Variants in NRP1 observed in about 807,000 individuals in gnomAD.
NRP1 encodes the protein neuropilin 1.
A neutral mutation model predicts 106.7 loss-of-function variants in NRP1; 35 were observed. The observed-to-expected ratio is 0.33, with a 90% CI of 0.25 to 0.43. The LOEUF (loss-of-function observed/expected upper bound fraction) is 0.43. Ranked by LOEUF, NRP1 falls within the 20% of genes least tolerant of loss-of-function variation. The pLI is 1.00. For synonymous variants in NRP1, 437 were observed against 417.9 expected (o/e 1.05, Z -0.56); for missense variants, 1,024 against 1,170.4 (o/e 0.87, Z 1.83).
At chr10:33,237,576 C>CTTTTTTT (rs36019831) in intron 6 of NRP1, among the ~76,000 whole-genome samples, 1 of 99,880 alleles carries the variant, frequency 1.0e-5, no homozygotes, top group Non-Finnish European at 1.9e-5. Flanking sequence ...TTTCCTTCTT[C>CTTTTTTT]TTTTTTTTTT....
chr10:33,308,275 C>T (rs1438233350), intron 2 of NRP1, among the ~76,000 whole-genome samples: 4 of 151,556 alleles, frequency 2.6e-5, no homozygotes, highest in Admixed American at 6.6e-5. Flanking sequence ...GCTTATTACC[C>T]GAGTGACAAA....
chr10:33,283,907 T>G (rs1564454049), intron 2 of NRP1, among the ~76,000 whole-genome samples: 1 of 152,182 alleles, frequency 6.6e-6, no homozygotes, highest in Non-Finnish European at 1.5e-5. Context: ...TGAACACATT[T>G]CAAACTAAAC....
At chr10:33,243,933 TTGTGTGTGTGTGTG>T (rs112554908) in intron 6 of NRP1, among the ~76,000 whole-genome samples, 22 of 141,440 alleles carry the variant, frequency 1.6e-4, no homozygotes, top group African/African-American at 4.4e-4. Context: ...GGGTAGAGGT[TTGTGTGTGTGTGTG>T]TGTGTGTGTG....
At chr10:33,200,549 T>C (rs945959063) in intron 11 of NRP1, among the ~76,000 whole-genome samples, 1 of 152,200 alleles carries the variant, frequency 6.6e-6, no homozygotes, top group Non-Finnish European at 1.5e-5. Flanking sequence ...AGACAACCCC[T>C]AAAGACAGCA....
At chr10:33,292,459 C>T (rs1169240931) in intron 2 of NRP1, among the ~76,000 whole-genome samples, 1 of 152,022 alleles carries the variant, frequency 6.6e-6, no homozygotes, top group Admixed American at 6.5e-5. Flanking sequence ...AATATATATG[C>T]ATTTTGAAGT....
intron 2 of NRP1, among the ~76,000 whole-genome samples, chr10:33,279,900 A>C (rs1229088355): frequency 1.3e-5 from 2 of 152,220 alleles, no homozygotes; most frequent in African/African-American, 2.4e-5. Flanking sequence ...CTCTCATCAT[A>C]GTGACTGTCG....
chr10:33,235,870 G>A (rs1840514188), intron 6 of NRP1, among the ~76,000 whole-genome samples: 1 of 152,094 alleles, frequency 6.6e-6, no homozygotes, highest in Non-Finnish European at 1.5e-5. Flanking sequence ...TAAGACATAC[G>A]CCGACCTGTG....
At chr10:33,323,795 C>T (rs565297884) in intron 2 of NRP1, among the ~76,000 whole-genome samples, 67 of 152,244 alleles carry the variant, frequency 4.4e-4, no homozygotes, top group African/African-American at 1.4e-3. Context: ...TTTTTAGCTT[C>T]CTTTACACAC....
At chr10:33,272,385 C>T (rs150662221) in intron 2 of NRP1, among the ~76,000 whole-genome samples, 15 of 152,278 alleles carry the variant, frequency 9.9e-5, no homozygotes, top group African/African-American at 3.6e-4. Context: ...ACTTGGCCTG[C>T]TAACACCACC....
intron 2 of NRP1, among the ~76,000 whole-genome samples, chr10:33,281,773 C>T (rs944699538): frequency 3.9e-5 from 6 of 152,060 alleles, no homozygotes; most frequent in Non-Finnish European, 5.9e-5. Flanking sequence ...TGTCATGACG[C>T]TTGTAGGTGT....
intron 2 of NRP1, among the ~76,000 whole-genome samples, chr10:33,284,589 G>T (rs1375820627): frequency 1.3e-5 from 2 of 151,334 alleles, no homozygotes; most frequent in Non-Finnish European, 2.9e-5. Flanking sequence ...TTCCCTTTAC[G>T]GCAAATTCCC....
intron 15 of NRP1, 30 bp from the exon 16 acceptor site, chr10:33,182,778 ATTTGAAC>A: frequency 6.5e-7 from 1 of 1,550,210 alleles, no homozygotes; most frequent in Non-Finnish European, 8.9e-7. Context: ...TGAAAGAGAT[ATTTGAAC>A]TGCCATCAAA....
chr10:33,272,573 A>C (rs952851118), intron 2 of NRP1, among the ~76,000 whole-genome samples: 2 of 152,178 alleles, frequency 1.3e-5, no homozygotes, highest in Admixed American at 6.5e-5. Flanking sequence ...CATTATGTTT[A>C]AAATCCTAAC....
intron 2 of NRP1, among the ~76,000 whole-genome samples, chr10:33,292,715 C>T (rs1048017626): frequency 3.9e-5 from 6 of 152,150 alleles, no homozygotes; most frequent in Non-Finnish European, 7.3e-5. Flanking sequence ...CTGCCAACGA[C>T]GGTGGCTCAT....
At chr10:33,326,952 T>C (rs12360413) in intron 2 of NRP1, among the ~76,000 whole-genome samples, 5,173 of 152,168 alleles carry the variant, frequency 0.034, 148 homozygotes, top group Admixed American at 0.063. Flanking sequence ...ACAATAAAAA[T>C]CTAAATAAAA....
intron 10 of NRP1, chr10:33,206,101 C>T (rs764589995): frequency 1.3e-5 from 6 of 450,040 alleles, no homozygotes; most frequent in Non-Finnish European, 2.2e-5. Flanking sequence ...TTTTTGCAAG[C>T]GTGCTTTCAA....
intron 6 of NRP1, among the ~76,000 whole-genome samples, chr10:33,237,285 T>C (rs1038725103): frequency 6.6e-6 from 1 of 152,118 alleles, no homozygotes; most frequent in Non-Finnish European, 1.5e-5. Context: ...GTAAAAAGTG[T>C]CAGCCTAGTG....
chr10:33,241,033 T>C (rs1840973203), intron 6 of NRP1, among the ~76,000 whole-genome samples: 1 of 152,180 alleles, frequency 6.6e-6, no homozygotes. Context: ...GGGGAAAGCC[T>C]TGCAAAAATG....
In NRP1 at chr10:33,238,701, C is replaced by T. The variant is rs538484631; in HGVS notation, c.982-12412G>A. Among the ~76,000 whole-genome samples, 3 of 152,224 alleles carry T rather than the reference C, an allele frequency of 2.0e-5. No individual in the cohort carries two copies. The East Asian group carries it at 5.8e-4, about 29-fold the overall frequency. ...TTGTAGCTTTGACCTGCAGGAGTGA[C>T]CTGGATAATGTTAAGCAAGTTACTT... On this transcript the variant is annotated intron_variant, in intron 6 of 16. Transcript: ENST00000374867.
Sources: gnomAD v4.1 joint callset for allele counts (sites outside exome capture counted in the v4.1 genomes callset) on GRCh38, gnomAD v4.1.1 for gene constraint, MANE v1.5 for transcripts, NCBI Gene and HGNC (gene_info 2026-07-23, HGNC 2026-07-21) for gene names.